Variants in NOM1 observed in about 807,000 individuals in gnomAD.
The protein encoded by NOM1 is nucleolar protein with MIF4G domain 1.
In NOM1, 58 loss-of-function variants were observed where a neutral mutation model predicts 73.3. The observed-to-expected ratio is 0.79, with a 90% CI of 0.64 to 0.99. The LOEUF is 0.99. Among genes scored for constraint, NOM1 ranks in the 50% least tolerant of loss-of-function variants. The pLI, the probability that NOM1 is intolerant of heterozygous loss-of-function variation, is 0.00. For synonymous variants in NOM1, 487 were observed against 446.8 expected (o/e 1.09, Z -1.14); for missense variants, 1,226 against 1,131.9 (o/e 1.08, Z -1.19).
intron 5 of NOM1, 62 bp downstream of exon 5, chr7:156,962,323 A>T: frequency 5.2e-6 from 7 of 1,339,404 alleles, no homozygotes; most frequent in Non-Finnish European, 7.5e-6. Context: ...TGAGCCTGTC[A>T]TGAAAATCAA....
At chr7:156,958,378 C>T (rs561562284) in intron 3 of NOM1, among the ~76,000 whole-genome samples, 1 of 152,322 alleles carries the variant, frequency 6.6e-6, no homozygotes, top group South Asian at 2.1e-4. Flanking sequence ...GCTGTGTTAC[C>T]CAGGCCCTTC....
intron 7 of NOM1, chr7:156,964,346 A>G (rs112826588): frequency 0.017 from 2,809 of 170,206 alleles, 35 homozygotes; most frequent in Middle Eastern, 0.04. Flanking sequence ...AAAGTATCTG[A>G]TGACCTTGTC....
chr7:156,969,872 C>A lies in NOM1; in HGVS notation c.*169C>A. On this transcript the variant is annotated 3_prime_UTR_variant, in exon 11 of 11. Transcript: ENST00000275820. ...ATCTAAGGTTTTATTGTTTGTATTT[C>A]AAGCCATTTTCAAATAACTATCTTG... is the stretch of plus-strand genomic sequence containing the variant. 2 of 604,618 alleles carry A rather than the reference C, an allele frequency of 3.3e-6. No individual in the cohort carries two copies. Among genetic ancestry groups the A allele is most frequent in the Non-Finnish European group, 5.1e-6 (2 of 389,676 alleles). The allele number at this position is 604,618 out of a possible 1,614,324, so 37.5% of individuals were successfully genotyped here.
At position 156,966,383 on chromosome 7, in the gene NOM1, A is replaced by C. The variant is rs576752920; in HGVS notation, c.2147A>C (p.Glu716Ala). The stretch of plus-strand genomic sequence containing the variant: ...GCTTTCCTGGCTAGCAAATTCTGTG[A>C]ATATGAAAGGAGATTTCAGGTAGCT... Reference protein sequence around the residue: ...FYAFLASKFCEYERRFQMTFQ... With the variant: ...FYAFLASKFCAYERRFQMTFQ... The change falls in exon 8 of 11, where the codon GAA (glutamate) becomes GCA (alanine). Residue 716 changes from glutamate to alanine, a missense_variant. Coordinates refer to ENST00000275820, the MANE Select transcript of NOM1 (RefSeq NM_138400.2). The C allele has an allele frequency of 5.6e-6, 9 of 1,614,098 alleles. No individual in the cohort carries two copies. The highest frequency in any genetic ancestry group is 7.6e-6 in the Non-Finnish European group (9 of 1,180,048).
At chr7:156,964,412 C>G (rs1293757558) in intron 7 of NOM1, among the ~76,000 whole-genome samples, 2 of 151,884 alleles carry the variant, frequency 1.3e-5, no homozygotes, top group African/African-American at 4.8e-5. Flanking sequence ...CATAATAAAG[C>G]TATTCTGATT....
At chr7:156,956,134 A>G (rs1034044980) in intron 3 of NOM1, among the ~76,000 whole-genome samples, 4 of 151,738 alleles carry the variant, frequency 2.6e-5, no homozygotes, top group Admixed American at 6.6e-5. Flanking sequence ...CGGAGTTTGC[A>G]GTGAGCCGAG....
chr7:156,960,831 G>A (rs1032152042), intron 4 of NOM1, among the ~76,000 whole-genome samples: 2 of 152,304 alleles, frequency 1.3e-5, no homozygotes, highest in African/African-American at 4.8e-5. Context: ...GTCGAAGTCA[G>A]GAGGAGTTTT....
At position 156,950,357 on chromosome 7, in the gene NOM1, T is replaced by G. The variant is rs769958436; in HGVS notation, c.620T>G (p.Val207Gly). The change falls in exon 1 of 11, where the codon GTG (valine) becomes GGG (glycine). Residue 207 changes from valine (V) to glycine (G), a missense_variant. Val to Gly is a moderately radical substitution (Grantham distance 109, BLOSUM62 -3). Transcript: ENST00000275820. The stretch of plus-strand genomic sequence containing the variant: ...AAAAAGAAGGACGGCAGCAGCTCCG[T>G]GCCGCTGAGCTTTGCACGCGACGGT... ...KRKKKDGSSSVPLSFARDGLD... is the reference protein window; with the variant it reads ...KRKKKDGSSSGPLSFARDGLD... The G allele has an allele frequency of 6.2e-7, 1 of 1,614,202 alleles. No homozygotes were observed. Among genetic ancestry groups the G allele is most frequent in the East Asian group, 2.2e-5 (1 of 44,868 alleles).
At chr7:156,966,539 G>A in intron 8 of NOM1, 137 bp downstream of exon 8, 2 of 1,010,954 alleles carry the variant, frequency 2.0e-6, no homozygotes, top group Non-Finnish European at 2.9e-6. Context: ...CACGCTGGCT[G>A]CCAGGCCACC....
rs1368914477 is a variant in NOM1 at position 156,969,700 on chromosome 7, G to C, written c.2580G>C (p.Met860Ile). ...KCLQGKASLR[M>I] ...TGCAAGGAAAAGCTTCCCTGAGAAT[G>C]TAGTCAGGGAAGGAAGGAGGGCAGG... The change falls in exon 11 of 11, where the codon ATG becomes ATC. Residue 860 changes from methionine (M) to isoleucine (I), a missense_variant. Physicochemically the swap from Met to Ile is conservative, Grantham distance 10. Coordinates refer to ENST00000275820, the MANE Select transcript of NOM1 (RefSeq NM_138400.2). 6.2e-7 allele frequency: 1 copy of C among 1,607,150 alleles called. No individual in the cohort carries two copies. The highest frequency in any genetic ancestry group is 8.5e-7 in the Non-Finnish European group (1 of 1,176,288).
In NOM1 at chr7:156,969,617, A is replaced by G. The variant is rs1563688154; in HGVS notation, c.2497A>G (p.Arg833Gly). The G allele has an allele frequency of 1.2e-6, 2 of 1,614,142 alleles. No homozygotes were observed. Among genetic ancestry groups the G allele is most frequent in the Admixed American group, 3.3e-5 (2 of 60,024 alleles). Reference sequence around the variant, plus strand: ...CTTGCTAAAGAACGCACAGGCCCACAGAAGCGCCGACGAAGCCAACGTGCT... The same window carrying G: ...CTTGCTAAAGAACGCACAGGCCCACGGAAGCGCCGACGAAGCCAACGTGCT... ...HFLLKNAQAHRSADEANVLRE... is the reference protein window; with the variant it reads ...HFLLKNAQAHGSADEANVLRE... Residue 833 changes from arginine to glycine, a missense_variant, in exon 11 of 11, where the codon AGA becomes GGA. Transcript: ENST00000275820.
chr7:156,962,674 C>A (rs112176208), intron 5 of NOM1, among the ~76,000 whole-genome samples: 8 of 152,272 alleles, frequency 5.3e-5, no homozygotes, highest in Admixed American at 5.2e-4. Context: ...GTCTTTCAGC[C>A]CCTGTCATCT....
At chr7:156,965,341 C>T (rs1372577638) in intron 7 of NOM1, among the ~76,000 whole-genome samples, 1 of 152,264 alleles carries the variant, frequency 6.6e-6, no homozygotes, top group Non-Finnish European at 1.5e-5. Context: ...GAGGGGCAAA[C>T]TCCCAAGGCC....
intron 3 of NOM1, among the ~76,000 whole-genome samples, chr7:156,957,828 T>C (rs1245835496): frequency 6.7e-6 from 1 of 149,814 alleles, no homozygotes; most frequent in Middle Eastern, 3.2e-3. Context: ...TGAATATGTT[T>C]TATGCCTAAA....
intron 2 of NOM1, among the ~76,000 whole-genome samples, chr7:156,952,957 ACTCATTG>A (rs560689555): frequency 4.1e-4 from 62 of 152,250 alleles, no homozygotes; most frequent in African/African-American, 1.3e-3. Flanking sequence ...CATCCCCCTT[ACTCATTG>A]CTCATGTCTG....
In NOM1 at chr7:156,972,135, C is replaced by G. The variant is rs946625604; in HGVS notation, c.*2432C>G. The G allele has an allele frequency of 6.6e-6, 1 of 152,262 alleles. No homozygotes were observed. The allele number at this position is 152,262 out of a possible 1,614,324, so 9.4% of individuals were successfully genotyped here. A position where few individuals can be genotyped will look rare whatever the true frequency, so the allele number is the denominator to read the frequency against. ...TGTGAAGGAAAAAATGTCAGTTGAA[C>G]TAAATTGTGCTTCACGCCTCGGTAG... On this transcript the variant is annotated 3_prime_UTR_variant, in exon 11 of 11. Coordinates refer to ENST00000275820, the MANE Select transcript of NOM1 (RefSeq NM_138400.2).
At chr7:156,962,459 C>T (rs1041867916) in intron 5 of NOM1, among the ~76,000 whole-genome samples, 198 bp downstream of exon 5, 5 of 152,162 alleles carry the variant, frequency 3.3e-5, no homozygotes, top group Middle Eastern at 3.2e-3. Flanking sequence ...GCAGAATGTC[C>T]GTGTGTGGGG....
Position 156,962,997 on chromosome 7 carries a change from C to G in NOM1, c.1744-11C>G. The G allele has an allele frequency of 1.9e-6, 3 of 1,608,608 alleles. No homozygotes were observed. The highest frequency in any genetic ancestry group is 1.3e-5 in the African/African-American group (1 of 74,974). ...TTAAAAGCATTTCATTAGCTCTTCT[C>G]TCTTCATCAGGTCCGCAACGCCGGC... On this transcript the variant is annotated splice_polypyrimidine_tract_variant and intron_variant, in intron 5 of 10. Transcript: ENST00000275820.
chr7:156,962,173 T>C lies in NOM1; in HGVS notation c.1655T>C (p.Met552Thr). Residue 552 changes from methionine to threonine, a missense_variant, in exon 5 of 11, where the codon ATG (methionine) becomes ACG (threonine). Coordinates refer to ENST00000275820, the MANE Select transcript of NOM1 (RefSeq NM_138400.2). Reference protein sequence around the residue: ...QTRIRFMLETMLALKNNDMRK... With the variant: ...QTRIRFMLETTLALKNNDMRK... ...AAGATTCGGTTTATGCTAGAGACGATGTTGGCCCTGAAGAACAATGACATG... is the reference window on the plus strand; with the variant it reads ...AAGATTCGGTTTATGCTAGAGACGACGTTGGCCCTGAAGAACAATGACATG... 1 of 1,614,092 alleles carries C rather than the reference T, an allele frequency of 6.2e-7. No individual in the cohort carries two copies. The highest frequency in any genetic ancestry group is 1.3e-5 in the African/African-American group (1 of 75,050).
Sources: gnomAD v4.1 joint callset for allele counts (sites outside exome capture counted in the v4.1 genomes callset) on GRCh38, gnomAD v4.1.1 for gene constraint, MANE v1.5 for transcripts, NCBI Gene and HGNC (gene_info 2026-07-23, HGNC 2026-07-21) for gene names.